Variants in HDAC9 observed in about 807,000 individuals in gnomAD.
HDAC9 encodes MEF-2 interacting transcription repressor (MITR) protein.
In HDAC9, 41 loss-of-function variants were observed where a neutral mutation model predicts 139.4. The observed-to-expected ratio is 0.29, with a 90% confidence interval of 0.23 to 0.38. The LOEUF (loss-of-function observed/expected upper bound fraction) is 0.38. HDAC9 is among the 10% of genes least tolerant of loss of function. The pLI is 1.00. For missense variants in HDAC9, 1,147 were observed against 1,297.0 expected (o/e 0.88, Z 1.78); for synonymous variants, 517 against 476.2 (o/e 1.09, Z -1.12).
intron 2 of HDAC9, among the ~76,000 whole-genome samples, chr7:18,282,709 G>A (rs576054713): frequency 3.9e-5 from 6 of 152,102 alleles, no homozygotes; most frequent in Non-Finnish European, 7.4e-5. Context: ...CCAATCCACC[G>A]GGGGAAAAAT....
intron 2 of HDAC9, among the ~76,000 whole-genome samples, chr7:18,530,309 C>G (rs1219915515): frequency 2.0e-5 from 3 of 152,022 alleles, no homozygotes; most frequent in African/African-American, 7.2e-5. Context: ...AATGTATGTT[C>G]TATCTGAAAA....
chr7:18,946,753 A>G (rs1782433657), intron 23 of HDAC9, among the ~76,000 whole-genome samples: 1 of 152,134 alleles, frequency 6.6e-6, no homozygotes, highest in South Asian at 2.1e-4. Flanking sequence ...CTGATAAACC[A>G]TGAAGAAAAT....
At chr7:18,599,682 A>G (rs529109014) in intron 6 of HDAC9, among the ~76,000 whole-genome samples, 56 of 152,266 alleles carry the variant, frequency 3.7e-4, no homozygotes, top group African/African-American at 1.3e-3. Flanking sequence ...CTGTTTATCC[A>G]TTTACCTTTT....
rs140885574 is a variant in HDAC9 at position 18,928,770 on chromosome 7, G to C, written c.2804-7039G>C. Reference sequence around the variant, plus strand: ...CACAAAGGTAGAATTGGCTATTTCTGGTCGATGGAACTATGTATTTATTAT... The same window carrying C: ...CACAAAGGTAGAATTGGCTATTTCTCGTCGATGGAACTATGTATTTATTAT... On this transcript the variant is annotated intron_variant, in intron 22 of 25. Coordinates refer to ENST00000686413, the MANE Select transcript of HDAC9 (RefSeq NM_178425.4). Among the ~76,000 whole-genome samples, 1,146 of 151,982 alleles carry C rather than the reference G, an allele frequency of 7.5e-3. 2 individuals are homozygous for C. The highest frequency in any genetic ancestry group is 0.013 in the Non-Finnish European group (879 of 67,926).
chr7:18,348,703 A>T (rs1782611699), intron 1 of HDAC9, among the ~76,000 whole-genome samples: 1 of 152,094 alleles, frequency 6.6e-6, no homozygotes, highest in South Asian at 2.1e-4. Flanking sequence ...CCTAACACAA[A>T]CTTTCTCCTT....
intron 1 of HDAC9, among the ~76,000 whole-genome samples, chr7:18,437,637 AC>A (rs1791334466): frequency 6.6e-6 from 1 of 151,380 alleles, no homozygotes; most frequent in Non-Finnish European, 1.5e-5. Context: ...GTACACGCAC[AC>A]ATTGTTTGGT....
At chr7:18,348,096 G>T (rs908777032) in intron 1 of HDAC9, among the ~76,000 whole-genome samples, 3 of 152,106 alleles carry the variant, frequency 2.0e-5, no homozygotes, top group African/African-American at 4.8e-5. Context: ...TTGAATTGCT[G>T]GTTTAAAATA....
At chr7:18,114,827 G>C (rs1783858147) in intron 1 of HDAC9, among the ~76,000 whole-genome samples, 1 of 152,162 alleles carries the variant, frequency 6.6e-6, no homozygotes, top group Non-Finnish European at 1.5e-5. Context: ...ATACATTGCT[G>C]GGTGGTTTTC....
chr7:18,271,747 A>G (rs1384792160), intron 2 of HDAC9, among the ~76,000 whole-genome samples: 1 of 152,230 alleles, frequency 6.6e-6, no homozygotes. Flanking sequence ...CCTTTGCAGC[A>G]GCATTTTAAT....
intron 7 of HDAC9, 86 bp downstream of exon 7, chr7:18,629,567 A>G: frequency 1.6e-6 from 2 of 1,257,674 alleles, no homozygotes; most frequent in South Asian, 3.2e-5. Context: ...GCTGCATATT[A>G]AAAGTTATTT....
At chr7:18,334,161 A>G (rs1363958372) in intron 1 of HDAC9, among the ~76,000 whole-genome samples, 2 of 151,590 alleles carry the variant, frequency 1.3e-5, no homozygotes, top group South Asian at 2.1e-4. Context: ...AAGTATTCCA[A>G]TGACTGTTTT....
chr7:18,824,006 G>A (rs536236456), intron 17 of HDAC9, among the ~76,000 whole-genome samples: 5 of 150,246 alleles, frequency 3.3e-5, no homozygotes, highest in Non-Finnish European at 5.9e-5. Flanking sequence ...AGGAGAAGGG[G>A]AATGGGAAGG....
intron 25 of HDAC9, among the ~76,000 whole-genome samples, chr7:18,993,138 T>A (rs1228263626): frequency 3.8e-5 from 1 of 26,664 alleles, no homozygotes; most frequent in South Asian, 5.7e-4. Flanking sequence ...AATGTAGACA[T>A]ATTTTTTGAT....
At chr7:18,835,711 C>T in intron 20 of HDAC9, 125 bp downstream of exon 20, 1 of 1,335,596 alleles carries the variant, frequency 7.5e-7, no homozygotes, top group Non-Finnish European at 1.1e-6. Flanking sequence ...CTGAATTGTC[C>T]CATGGGACCA....
Position 18,106,538 on chromosome 7 carries a change from C to T in HDAC9, c.-97+19325C>T, listed in dbSNP as rs531714008. On this transcript the variant is annotated intron_variant, in intron 1 of 12. Coordinates refer to the HDAC9 transcript ENST00000417496. ...TGCGATCTTAGCTCACTGCAACCTC[C>T]GCCTCCCAGGTTCAAGTGATTCTCC... Among the ~76,000 whole-genome samples, 6 of 152,186 alleles carry T rather than the reference C, an allele frequency of 3.9e-5. No homozygotes were observed. The East Asian group carries it at 5.8e-4, about 15-fold the overall frequency.
chr7:18,295,238 A>T (rs1287323981), intron 1 of HDAC9, among the ~76,000 whole-genome samples: 1 of 152,166 alleles, frequency 6.6e-6, no homozygotes, highest in Middle Eastern at 3.2e-3. Context: ...TGGATAAGTC[A>T]TGGTCAGAGA....
intron 22 of HDAC9, among the ~76,000 whole-genome samples, chr7:18,888,785 G>A (rs1429852744): frequency 6.6e-6 from 1 of 152,126 alleles, no homozygotes; most frequent in Non-Finnish European, 1.5e-5. Flanking sequence ...AAATGCCTAG[G>A]GTTATAAATA....
intron 1 of HDAC9, among the ~76,000 whole-genome samples, chr7:18,385,430 G>A (rs1295493211): frequency 1.3e-5 from 2 of 152,104 alleles, no homozygotes; most frequent in Non-Finnish European, 2.9e-5. Flanking sequence ...TTCAATTTTG[G>A]TCTGGGATAT....
intron 1 of HDAC9, among the ~76,000 whole-genome samples, chr7:18,154,853 C>T (rs1032588969): frequency 2.0e-5 from 3 of 152,216 alleles, no homozygotes; most frequent in Admixed American, 6.5e-5. Context: ...CATGCCTCCA[C>T]GCAGGTGAGG....
Sources: allele counts gnomAD v4.1 joint callset (sites outside exome capture counted in the v4.1 genomes callset), GRCh38; gene constraint gnomAD v4.1.1; transcripts MANE v1.5; gene names NCBI Gene and HGNC (gene_info 2026-07-23, HGNC 2026-07-21).